Variants in CUL4A observed in about 807,000 individuals in gnomAD.
CUL4A encodes cullin 4A, also known as cullin-4A.
Under a neutral mutation model 95.5 loss-of-function variants are expected in CUL4A, and 16 were observed. The observed-to-expected ratio is 0.17, with a 90% CI of 0.11 to 0.25. The LOEUF (loss-of-function observed/expected upper bound fraction) is 0.25. CUL4A is among the 10% of genes least tolerant of loss of function. The probability of loss-of-function intolerance (pLI) is 1.00; values close to 1 mark genes in which losing one functional copy is unlikely to be tolerated. For synonymous variants in CUL4A, 380 were observed against 353.1 expected, an observed-to-expected ratio of 1.08 and a Z score of -0.85; for missense variants, 610 against 937.0, an observed-to-expected ratio of 0.65 and a Z score of 4.56.
At chr13:113,250,865 GA>G (rs1300770734) in intron 15 of CUL4A, among the ~76,000 whole-genome samples, 2 of 152,088 alleles carry the variant, frequency 1.3e-5, no homozygotes, top group Non-Finnish European at 2.9e-5. Context: ...TGGTGTCATT[GA>G]AGATGGGGAG....
In CUL4A at chr13:113,264,047, G is replaced by A. The variant is rs1185670798; in HGVS notation, c.*465G>A. The A allele has an allele frequency of 6.5e-6, 1 of 152,820 alleles. No homozygotes were observed. The highest frequency in any genetic ancestry group is 2.4e-5 in the African/African-American group (1 of 41,460). 9.5% of individuals were successfully genotyped at this position (152,820 alleles called of 1,614,324 possible). ...ATCAGCATTTAGAGTGAAAACAAGG[G>A]CCCTTCATGGGTGAACATTAGAAAG... On this transcript the variant is annotated 3_prime_UTR_variant, in exon 20 of 20. Coordinates refer to ENST00000375440, the MANE Select transcript of CUL4A (RefSeq NM_001008895.4).
At chr13:113,221,657 C>T (rs1328140833) in intron 3 of CUL4A, among the ~76,000 whole-genome samples, 1 of 152,138 alleles carries the variant, frequency 6.6e-6, no homozygotes, top group Non-Finnish European at 1.5e-5. Flanking sequence ...CGGCTCACTG[C>T]ACCTCTCCCT....
intron 9 of CUL4A, among the ~76,000 whole-genome samples, chr13:113,238,555 C>T (rs2041616546): frequency 6.6e-6 from 1 of 151,958 alleles, no homozygotes; most frequent in South Asian, 2.1e-4. Context: ...TAAAAGCTTA[C>T]CCTAAATTTT....
At chr13:113,254,882 A>G (rs1336160018) in intron 17 of CUL4A, 71 bp from the exon 18 acceptor site, 12 of 1,593,950 alleles carry the variant, frequency 7.5e-6, no homozygotes, top group Non-Finnish European at 8.6e-6. Context: ...ACTTGGTAGC[A>G]TGATTGGTTT....
At chr13:113,225,528 C>G (rs972627171) in intron 3 of CUL4A, among the ~76,000 whole-genome samples, 1 of 152,190 alleles carries the variant, frequency 6.6e-6, no homozygotes, top group Admixed American at 6.5e-5. Context: ...AGACACTGCC[C>G]CAGGTGGAAC....
chr13:113,208,309 A>T, upstream of CUL4A: 1 of 1,431,976 alleles, frequency 7.0e-7, no homozygotes, highest in East Asian at 2.5e-5. Context: ...CACACGTGCC[A>T]GCAAGTGAGG....
intron 15 of CUL4A, among the ~76,000 whole-genome samples, chr13:113,251,258 A>G (rs529685036): frequency 2.0e-5 from 3 of 152,314 alleles, no homozygotes; most frequent in South Asian, 4.1e-4. Flanking sequence ...GAGATGGGAT[A>G]TGGGATCCAG....
At chr13:113,208,944 A>G (rs2040193264), upstream of CUL4A, 1 of 1,255,768 alleles carries the variant, frequency 8.0e-7, no homozygotes, top group African/African-American at 1.6e-5. Flanking sequence ...ACTGCCTTTC[A>G]CTGCGCTGAC....
intron 10 of CUL4A, among the ~76,000 whole-genome samples, chr13:113,240,014 T>C (rs2041661720): frequency 6.6e-6 from 1 of 152,192 alleles, no homozygotes; most frequent in African/African-American, 2.4e-5. Flanking sequence ...AACTTTCACT[T>C]TCATGTTTCG....
At chr13:113,238,830 T>C (rs2041623468) in intron 9 of CUL4A, among the ~76,000 whole-genome samples, 1 of 152,246 alleles carries the variant, frequency 6.6e-6, no homozygotes, top group South Asian at 2.1e-4. Flanking sequence ...CATTTTATGC[T>C]TTAACCTGGC....
intron 2 of CUL4A, among the ~76,000 whole-genome samples, chr13:113,211,162 C>A (rs927277352): frequency 4.6e-5 from 7 of 152,228 alleles, no homozygotes; most frequent in Non-Finnish European, 1.0e-4. Context: ...GGCGGTCCCC[C>A]ATTTGCTTTC....
Position 113,233,405 on chromosome 13 carries a change from TG to T in CUL4A, c.675+67del. 10 of 1,424,782 alleles carry T rather than the reference TG, an allele frequency of 7.0e-6. No homozygotes were observed. In the South Asian group the frequency reaches 9.9e-5, roughly 14 times the overall value. 88.3% of individuals were successfully genotyped at this position (1,424,782 alleles called of 1,614,324 possible). A position where few individuals can be genotyped will look rare whatever the true frequency, so the allele number is the denominator to read the frequency against. ...AGCTACTTGCACCAGAATAAATGGT[TG>T]TACCAAAGATGTTAAACAATGAAAT... On this transcript the variant is annotated intron_variant, in intron 6 of 19. Transcript: ENST00000375440.
chr13:113,241,760 G>A (rs909438298), intron 10 of CUL4A, among the ~76,000 whole-genome samples: 26 of 151,702 alleles, frequency 1.7e-4, no homozygotes, highest in Middle Eastern at 3.2e-3. Flanking sequence ...TGATCCACCC[G>A]CCTTAGCCTC....
rs1390899352 is a variant in CUL4A, at chr13:113,263,450, C to T, written c.2185-37C>T. 5 of 1,286,328 alleles carry T rather than the reference C, an allele frequency of 3.9e-6. No homozygotes were observed. In the South Asian group the frequency reaches 5.2e-5, roughly 13 times the overall value. The allele number at this position is 1,286,328 out of a possible 1,614,324, so 79.7% of individuals were successfully genotyped here. On this transcript the variant is annotated intron_variant, in intron 19 of 19. Coordinates refer to ENST00000375440, the MANE Select transcript of CUL4A (RefSeq NM_001008895.4). ...TATGTAAATGTTTGTAAATTTAATG[C>T]CATTGTAATTAGGGGGGTTTTATTC...
chr13:113,224,914 G>A (rs759757519), intron 3 of CUL4A, among the ~76,000 whole-genome samples: 2 of 152,172 alleles, frequency 1.3e-5, no homozygotes, highest in Non-Finnish European at 2.9e-5. Context: ...CGGTCTGTCC[G>A]GTCTGTCGGT....
At chr13:113,224,910 G>A (rs1045200702) in intron 3 of CUL4A, among the ~76,000 whole-genome samples, 6 of 152,174 alleles carry the variant, frequency 3.9e-5, no homozygotes, top group Non-Finnish European at 8.8e-5. Flanking sequence ...CTCGCGGTCT[G>A]TCCGGTCTGT....
intron 10 of CUL4A, among the ~76,000 whole-genome samples, chr13:113,242,748 C>T (rs1322991374): frequency 1.3e-5 from 2 of 152,134 alleles, no homozygotes; most frequent in East Asian, 3.9e-4. Flanking sequence ...ATTGCACCAC[C>T]GCACTCCAGC....
intron 3 of CUL4A, 55 bp downstream of exon 3, chr13:113,219,103 T>C: frequency 9.3e-7 from 1 of 1,079,618 alleles, no homozygotes; most frequent in Non-Finnish European, 1.4e-6. Flanking sequence ...CTTTTAAAAC[T>C]GAACATTATT....
In CUL4A at chr13:113,236,957, G is replaced by A. The variant is rs867072030; in HGVS notation, c.916+67G>A. The A allele has an allele frequency of 4.6e-5, 51 of 1,098,582 alleles. No individual in the cohort carries two copies. In the Middle Eastern group the frequency reaches 6.1e-4, roughly 13 times the overall value. The allele number at this position is 1,098,582 out of a possible 1,614,324, so 68.1% of individuals were successfully genotyped here. On this transcript the variant is annotated intron_variant, in intron 9 of 19. Transcript: ENST00000375440. The stretch of plus-strand genomic sequence containing the variant: ...TCCTTAGTTCATTAGGAAAGTAAAG[G>A]GGGCATTACAAATAGCAGTGTTAGG...
Sources: allele counts gnomAD v4.1 joint callset (sites outside exome capture counted in the v4.1 genomes callset), GRCh38; gene constraint gnomAD v4.1.1; transcripts MANE v1.5; gene names NCBI Gene and HGNC (gene_info 2026-07-23, HGNC 2026-07-21).